IGFL2: variants seen among roughly 807,000 people sequenced by gnomAD.
IGFL2 encodes insulin growth factor-like family member 2.
A neutral mutation model predicts 13.9 loss-of-function variants in IGFL2; 7 were observed. That is an observed-to-expected ratio of 0.51 (90% confidence interval 0.29 to 0.95). The LOEUF (loss-of-function observed/expected upper bound fraction) is 0.95. Among genes scored for constraint, IGFL2 ranks in the 40% least tolerant of loss-of-function variants. IGFL2 has a pLI of 0.08. For missense variants in IGFL2, 138 were observed against 147.8 expected, an observed-to-expected ratio of 0.93 and a Z score of 0.34; for synonymous variants, 55 against 55.8, an observed-to-expected ratio of 0.99 and a Z score of 0.07.
the IGFL2 span, among the ~76,000 whole-genome samples, chr19:46,173,336 C>T: frequency 6.6e-6 from 1 of 152,184 alleles, no homozygotes; most frequent in South Asian, 2.1e-4. Context: ...CTATCGTATC[C>T]TCATGTGATT....
the IGFL2 span, among the ~76,000 whole-genome samples, chr19:46,100,695 T>C: frequency 6.6e-6 from 1 of 152,200 alleles, no homozygotes; most frequent in Non-Finnish European, 1.5e-5. Context: ...GGGAGGCATG[T>C]AGCTTTTCAT....
At chr19:46,200,473 C>CCTTTT in the IGFL2 span, among the ~76,000 whole-genome samples, 34,729 of 134,022 alleles carry the variant, frequency 0.26, 4,893 homozygotes, top group African/African-American at 0.32. Flanking sequence ...CACACCTGGC[C>CCTTTT]CTTTTCTTTT....
At chr19:46,202,291 C>G in the IGFL2 span, among the ~76,000 whole-genome samples, 2 of 152,096 alleles carry the variant, frequency 1.3e-5, no homozygotes, top group African/African-American at 4.8e-5. Context: ...ATGGGGAAAT[C>G]GAAAGTGCCA....
chr19:46,140,404 A>G (rs1167544086), upstream of IGFL2, among the ~76,000 whole-genome samples: 8 of 152,328 alleles, frequency 5.3e-5, no homozygotes, highest in East Asian at 1.5e-3. Context: ...TGAGCTGGGC[A>G]CAGCGGCACA....
chr19:46,194,850 A>AT, the IGFL2 span, among the ~76,000 whole-genome samples: 6 of 35,618 alleles, frequency 1.7e-4, no homozygotes, highest in Admixed American at 6.3e-4. Flanking sequence ...ATATATATAT[A>AT]TATTTTTTTT....
chr19:46,145,532 T>G (rs1973077052), upstream of IGFL2, among the ~76,000 whole-genome samples: 2 of 151,928 alleles, frequency 1.3e-5, no homozygotes, highest in African/African-American at 4.8e-5. Context: ...CAGGGTTTCT[T>G]CTCTCCACCT....
upstream of IGFL2, among the ~76,000 whole-genome samples, chr19:46,140,948 AG>A (rs1465108106): frequency 6.6e-6 from 1 of 152,162 alleles, no homozygotes; most frequent in Non-Finnish European, 1.5e-5. Context: ...TGAAGTGGGA[AG>A]GGGGAAAGTA....
At chr19:46,089,458 A>G in the IGFL2 span, among the ~76,000 whole-genome samples, 1 of 152,072 alleles carries the variant, frequency 6.6e-6, no homozygotes, top group Non-Finnish European at 1.5e-5. Flanking sequence ...TTACCAGTGA[A>G]TTTTGTACTT....
the IGFL2 span, among the ~76,000 whole-genome samples, chr19:46,110,501 C>T: frequency 1.3e-5 from 2 of 152,184 alleles, no homozygotes; most frequent in Non-Finnish European, 2.9e-5. Context: ...TTGCTTGTTT[C>T]ATATCAGTGG....
At chr19:46,104,643 G>A in the IGFL2 span, among the ~76,000 whole-genome samples, 1 of 152,194 alleles carries the variant, frequency 6.6e-6, no homozygotes, top group East Asian at 1.9e-4. Context: ...AAATCAATTT[G>A]CCAGTCCTGG....
At chr19:46,114,475 C>T in the IGFL2 span, among the ~76,000 whole-genome samples, 1 of 152,164 alleles carries the variant, frequency 6.6e-6, no homozygotes, top group African/African-American at 2.4e-5. Context: ...TATTGGCGAA[C>T]TCCATTTATT....
the IGFL2 span, among the ~76,000 whole-genome samples, chr19:46,188,309 T>G: frequency 1.8e-4 from 27 of 152,236 alleles, no homozygotes; most frequent in African/African-American, 6.0e-4. Context: ...GACACCCATT[T>G]ATTTGTTTTG....
At chr19:46,121,756 G>T in the IGFL2 span, among the ~76,000 whole-genome samples, 2 of 150,884 alleles carry the variant, frequency 1.3e-5, no homozygotes, top group Non-Finnish European at 2.9e-5. Context: ...TAGAAAAATT[G>T]TTGCAAGAAA....
At chr19:46,124,642 G>A in the IGFL2 span, 1 of 1,609,086 alleles carries the variant, frequency 6.2e-7, no homozygotes, top group South Asian at 1.1e-5. Context: ...GCAGCATCGT[G>A]GCCTCATGCT....
At chr19:46,142,658 A>G (rs1972910174), upstream of IGFL2, among the ~76,000 whole-genome samples, 1 of 152,232 alleles carries the variant, frequency 6.6e-6, no homozygotes, top group South Asian at 2.1e-4. Context: ...TGGCTGACAG[A>G]TATTATTACT....
chr19:46,161,942 A>T (rs530851677), downstream of IGFL2, among the ~76,000 whole-genome samples: 1 of 152,130 alleles, frequency 6.6e-6, no homozygotes, highest in African/African-American at 2.4e-5. Flanking sequence ...GTGTTTTTGT[A>T]TTAGCTGGTT....
chr19:46,187,521 C>G, the IGFL2 span, among the ~76,000 whole-genome samples: 4 of 128,700 alleles, frequency 3.1e-5, no homozygotes, highest in African/African-American at 1.3e-4. Flanking sequence ...GCTACCTGAT[C>G]AGAGATGGTG....
chr19:46,124,615 T>C, the IGFL2 span: 1 of 1,605,582 alleles, frequency 6.2e-7, no homozygotes, highest in Non-Finnish European at 8.5e-7. Context: ...GGATTTGGGG[T>C]CCTACTTGCC....
the IGFL2 span, among the ~76,000 whole-genome samples, chr19:46,107,552 T>C: frequency 3.3e-5 from 5 of 152,216 alleles, no homozygotes; most frequent in African/African-American, 1.2e-4. Context: ...GCCTGGCTGC[T>C]GTGGTTTAGG....
Sources: gnomAD v4.1 joint callset for allele counts (sites outside exome capture counted in the v4.1 genomes callset) on GRCh38, gnomAD v4.1.1 for gene constraint, MANE v1.5 for transcripts, NCBI Gene and HGNC (gene_info 2026-07-23, HGNC 2026-07-21) for gene names.